The following CNTN5 variants were observed in gnomAD, a reference collection of about 807,000 sequenced individuals.
CNTN5 encodes contactin-5.
A neutral mutation model predicts 129.1 loss-of-function variants in CNTN5; 77 were observed. The ratio of observed to expected loss-of-function variants is 0.60; its 90% CI spans 0.50 to 0.72. The LOEUF (loss-of-function observed/expected upper bound fraction) is 0.72. Ranked by LOEUF, CNTN5 falls within the 30% of genes least tolerant of loss-of-function variation. The pLI is 0.00. For synonymous variants in CNTN5, 509 were observed against 465.6 expected (o/e 1.09, Z -1.20); for missense variants, 1,478 against 1,328.8 (o/e 1.11, Z -1.75).
At chr11:100,161,838 CACACACACA>C (rs1947459328) in intron 13 of CNTN5, among the ~76,000 whole-genome samples, 1 of 91,438 alleles carries the variant, frequency 1.1e-5, no homozygotes, top group Non-Finnish European at 2.5e-5. Context: ...CCTACACACA[CACACACACA>C]CACACACACA....
At position 100,070,518 on chromosome 11, in the gene CNTN5, C is replaced by T. The variant is rs374967089; in HGVS notation, c.1257C>T (p.Pro419=). 2 of 1,613,102 alleles carry T rather than the reference C, an allele frequency of 1.2e-6. No homozygotes were observed. Among genetic ancestry groups the T allele is most frequent in the Non-Finnish European group, 1.7e-6 (2 of 1,179,468 alleles). ...WECKATGKPR[P]TYRWLKNGVP... Reference sequence around the variant, plus strand: ...GTAAGGCTACTGGAAAACCCAGACCCACGTATCGTTGGCTGAAGAATGGAG... The same window carrying T: ...GTAAGGCTACTGGAAAACCCAGACCTACGTATCGTTGGCTGAAGAATGGAG... The change falls in exon 11 of 25, where the codon CCC becomes CCT. Residue 419 remains proline, a synonymous_variant. Transcript: ENST00000524871.
intron 3 of CNTN5, among the ~76,000 whole-genome samples, chr11:99,686,005 A>C (rs1331875755): frequency 1.3e-5 from 2 of 152,090 alleles, no homozygotes; most frequent in Admixed American, 1.3e-4. Flanking sequence ...TAAAATATAC[A>C]TCCTTGACTC....
At chr11:99,066,152 G>A (rs1865093628) in intron 1 of CNTN5, among the ~76,000 whole-genome samples, 1 of 152,120 alleles carries the variant, frequency 6.6e-6, no homozygotes, top group African/African-American at 2.4e-5. Context: ...CGCCCAGGCT[G>A]GAGTTCAATA....
rs376897280 is a variant in CNTN5, at chr11:99,781,555, T to C, written c.56-37989T>C. Among the ~76,000 whole-genome samples, 4 of 152,160 alleles carry C rather than the reference T, an allele frequency of 2.6e-5. No individual in the cohort carries two copies. The East Asian group carries it at 7.8e-4, about 30-fold the overall frequency. On this transcript the variant is annotated intron_variant, in intron 3 of 24. Coordinates refer to ENST00000524871, the MANE Select transcript of CNTN5 (RefSeq NM_014361.4). Reference sequence around the variant, plus strand: ...GCATTGCCTTGTATTTTAGTGAATATATGCACATGCTTACCCTCTCCTGAC... The same window carrying C: ...GCATTGCCTTGTATTTTAGTGAATACATGCACATGCTTACCCTCTCCTGAC...
At chr11:99,749,690 G>T (rs1944168612) in intron 3 of CNTN5, among the ~76,000 whole-genome samples, 1 of 152,040 alleles carries the variant, frequency 6.6e-6, no homozygotes, top group Admixed American at 6.6e-5. Context: ...AATTCCAATA[G>T]AATTTTCTCA....
At chr11:99,963,106 G>C (rs12421561) in intron 8 of CNTN5, among the ~76,000 whole-genome samples, 5 of 152,146 alleles carry the variant, frequency 3.3e-5, no homozygotes, top group African/African-American at 1.2e-4. Context: ...CATTCTGTAG[G>C]TTGCCTGTTC....
intron 7 of CNTN5, among the ~76,000 whole-genome samples, chr11:99,920,351 G>C (rs1246212924): frequency 2.0e-5 from 3 of 151,994 alleles, no homozygotes; most frequent in Admixed American, 2.0e-4. Context: ...CTCACACTTT[G>C]TTAGTTTTCA....
intron 9 of CNTN5, among the ~76,000 whole-genome samples, chr11:100,055,050 A>C (rs912675783): frequency 3.0e-4 from 42 of 141,466 alleles, no homozygotes; most frequent in African/African-American, 1.1e-3. Context: ...AAAAAAAAAA[A>C]AGGCAAATGT....
chr11:99,688,921 C>T (rs12792800), intron 3 of CNTN5, among the ~76,000 whole-genome samples: 7,540 of 152,096 alleles, frequency 0.05, 187 homozygotes, highest in East Asian at 0.066. Context: ...TCCATGTCCC[C>T]GCAAACAACA....
chr11:100,347,051 G>A (rs966857184), intron 23 of CNTN5, among the ~76,000 whole-genome samples: 1 of 152,038 alleles, frequency 6.6e-6, no homozygotes, highest in South Asian at 2.1e-4. Flanking sequence ...CTCCCACCAG[G>A]TCCCTCCCAT....
chr11:99,729,031 C>T (rs1025782631), intron 3 of CNTN5, among the ~76,000 whole-genome samples: 27 of 152,144 alleles, frequency 1.8e-4, no homozygotes, highest in Admixed American at 1.5e-3. Context: ...AGCATGTCCT[C>T]TGGGGTGCTA....
At position 100,019,561 on chromosome 11, in the gene CNTN5, A is replaced by G. The variant is rs192213844; in HGVS notation, c.980+17425A>G. Among the ~76,000 whole-genome samples the G allele has an allele frequency of 1.8e-3, 270 of 152,024 alleles. 1 individual carries two copies. The highest frequency in any genetic ancestry group is 5.7e-3 in the African/African-American group (236 of 41,548). ...AAGGGTGAATAATATTCCATTATGT[A>G]TATATATCACCTACTTTTATCTGTT... On this transcript the variant is annotated intron_variant, in intron 9 of 24. Coordinates refer to ENST00000524871, the MANE Select transcript of CNTN5 (RefSeq NM_014361.4).
At chr11:99,126,943 T>G (rs989061078) in intron 1 of CNTN5, among the ~76,000 whole-genome samples, 1 of 152,164 alleles carries the variant, frequency 6.6e-6, no homozygotes, top group African/African-American at 2.4e-5. Flanking sequence ...GGAATTTGAG[T>G]CTGAGACTCC....
chr11:100,031,709 G>A (rs1941715937), intron 9 of CNTN5, among the ~76,000 whole-genome samples: 1 of 152,128 alleles, frequency 6.6e-6, no homozygotes, highest in African/African-American at 2.4e-5. Context: ...TCTGTTTTAA[G>A]GCTCTGTTAG....
intron 3 of CNTN5, among the ~76,000 whole-genome samples, chr11:99,628,392 G>A (rs1252621002): frequency 6.6e-6 from 1 of 151,942 alleles, no homozygotes; most frequent in African/African-American, 2.4e-5. Context: ...TCTGGTACTT[G>A]GGAAATTATG....
At chr11:100,068,823 T>A (rs754845601) in intron 10 of CNTN5, among the ~76,000 whole-genome samples, 1 of 152,176 alleles carries the variant, frequency 6.6e-6, no homozygotes, top group African/African-American at 2.4e-5. Flanking sequence ...AAGTCTAGAC[T>A]ATATTGGCCA....
Position 99,916,101 on chromosome 11 carries a change from G to C in CNTN5, c.625G>C (p.Glu209Gln), listed in dbSNP as rs752167283. ...GACAAGAAGTGCAGTCTCTGTGAGG[G>C]AAGGCCAGGGTGTCGTTCTGATGTG... ...GRTRSAVSVR[E>Q]GQGVVLMCSP... The change falls in exon 7 of 25, where the codon GAA becomes CAA. Residue 209 changes from glutamate to glutamine, a missense_variant. Transcript: ENST00000524871. 2 of 1,612,530 alleles carry C rather than the reference G, an allele frequency of 1.2e-6. No homozygotes were observed. The highest frequency in any genetic ancestry group is 2.2e-5 in the East Asian group (1 of 44,774).
At chr11:99,514,963 T>C (rs555645113) in intron 2 of CNTN5, among the ~76,000 whole-genome samples, 1 of 152,188 alleles carries the variant, frequency 6.6e-6, no homozygotes, top group African/African-American at 2.4e-5. Context: ...TATTAGACTT[T>C]CATCTCATAG....
intron 4 of CNTN5, among the ~76,000 whole-genome samples, chr11:99,836,192 G>A (rs896330656): frequency 2.7e-5 from 4 of 148,418 alleles, no homozygotes; most frequent in Middle Eastern, 3.3e-3. Flanking sequence ...TGTGCGCAAC[G>A]TGCAGGTTTG....
Sources: gnomAD v4.1 joint callset for allele counts (sites outside exome capture counted in the v4.1 genomes callset) on GRCh38, gnomAD v4.1.1 for gene constraint, MANE v1.5 for transcripts, NCBI Gene and HGNC (gene_info 2026-07-23, HGNC 2026-07-21) for gene names.